Variants in EEF2K observed in about 807,000 individuals in gnomAD.
EEF2K encodes the protein alternative protein EEF2K.
In EEF2K, 70 loss-of-function variants were observed where a neutral mutation model predicts 93.8. The observed-to-expected ratio is 0.75, with a 90% confidence interval of 0.62 to 0.91. EEF2K has a LOEUF of 0.91. Among genes scored for constraint, EEF2K ranks in the 40% least tolerant of loss-of-function variants. EEF2K has a pLI of 0.00. For missense variants in EEF2K, 935 were observed against 972.9 expected, an observed-to-expected ratio of 0.96 and a Z score of 0.52; for synonymous variants, 376 against 380.8, an observed-to-expected ratio of 0.99 and a Z score of 0.15.
chr16:22,247,937 C>T (rs1196266157), intron 3 of EEF2K, among the ~76,000 whole-genome samples: 1 of 152,166 alleles, frequency 6.6e-6, no homozygotes, highest in East Asian at 1.9e-4. Context: ...GCACCACCAC[C>T]ACCTCCCCTC....
intron 1 of EEF2K, among the ~76,000 whole-genome samples, chr16:22,213,167 C>G (rs1257378765): frequency 6.6e-6 from 1 of 152,182 alleles, no homozygotes; most frequent in Non-Finnish European, 1.5e-5. Flanking sequence ...GTAATCCCAG[C>G]TACTCAGGAG....
chr16:22,262,913 G>C (rs754545481), intron 11 of EEF2K, among the ~76,000 whole-genome samples, 197 bp from the exon 12 acceptor site: 8 of 152,164 alleles, frequency 5.3e-5, no homozygotes, highest in Non-Finnish European at 1.0e-4. Context: ...GTGTCCTCAA[G>C]TGATCTGCCT....
intron 16 of EEF2K, among the ~76,000 whole-genome samples, chr16:22,278,067 C>A (rs112754964): frequency 6.6e-6 from 1 of 152,052 alleles, no homozygotes; most frequent in Middle Eastern, 3.4e-3. Flanking sequence ...ATTAGCCAGG[C>A]GTGGTGACAT....
intron 11 of EEF2K, 81 bp downstream of exon 11, chr16:22,260,610 G>A: frequency 6.3e-7 from 1 of 1,577,456 alleles, no homozygotes; most frequent in East Asian, 2.2e-5. Flanking sequence ...TGAATCTTCA[G>A]CTTCGGAGGT....
chr16:22,238,691 T>G (rs935153594), intron 2 of EEF2K, among the ~76,000 whole-genome samples: 118 of 142,718 alleles, frequency 8.3e-4, no homozygotes, highest in African/African-American at 2.9e-3. Context: ...AAAAAAGCAC[T>G]GATCATCCTT....
chr16:22,278,176 C>A (rs2047657304), intron 16 of EEF2K, among the ~76,000 whole-genome samples: 1 of 152,118 alleles, frequency 6.6e-6, no homozygotes, highest in Non-Finnish European at 1.5e-5. Flanking sequence ...CACTGCACTC[C>A]TGCCTGGGCA....
chr16:22,235,249 T>G (rs1177429240), intron 2 of EEF2K, among the ~76,000 whole-genome samples: 1 of 152,066 alleles, frequency 6.6e-6, no homozygotes, highest in Non-Finnish European at 1.5e-5. Context: ...GCTATTAAGA[T>G]CTTAGTGTAT....
chr16:22,227,565 T>G (rs2047076108), intron 2 of EEF2K, among the ~76,000 whole-genome samples: 2 of 152,200 alleles, frequency 1.3e-5, no homozygotes, highest in African/African-American at 4.8e-5. Flanking sequence ...AACCGTTTGG[T>G]AGGTGCCAGC....
At chr16:22,217,781 C>T (rs1216612020) in intron 1 of EEF2K, among the ~76,000 whole-genome samples, 1 of 152,114 alleles carries the variant, frequency 6.6e-6, no homozygotes, top group East Asian at 1.9e-4. Context: ...TTGCATGTGA[C>T]AGAAAACCTA....
chr16:22,226,094 T>C, intron 2 of EEF2K, 119 bp downstream of exon 2: 1 of 1,418,366 alleles, frequency 7.1e-7, no homozygotes, highest in Non-Finnish European at 9.6e-7. Flanking sequence ...TGCTCTAAAC[T>C]CTGAGCTGAG....
intron 2 of EEF2K, among the ~76,000 whole-genome samples, chr16:22,239,855 A>G (rs8053374): frequency 0.35 from 53,937 of 151,962 alleles, 10,616 homozygotes; most frequent in East Asian, 0.86. Flanking sequence ...CTGTAATCCC[A>G]GCACTTTGGG....
chr16:22,226,457 A>G (rs1034857347), intron 2 of EEF2K, among the ~76,000 whole-genome samples: 12 of 148,330 alleles, frequency 8.1e-5, no homozygotes, highest in Admixed American at 6.0e-4. Context: ...GGCAATAGAA[A>G]ATCCCCAAAC....
In EEF2K at chr16:22,260,481, C is replaced by A. The variant is rs1399634471; in HGVS notation, c.1251C>A (p.Asp417Glu). ...GCCCAGATTGGCCAGTGTTCAGTGA[C>A]CTCGATAACATGGCATCCAGAGACC... Reference protein sequence around the residue: ...LDHLHWPVFSDLDNMASRDHD... With the variant: ...LDHLHWPVFSELDNMASRDHD... Residue 417 changes from aspartate (D) to glutamate (E), a missense_variant, in exon 11 of 18, where the codon GAC becomes GAA. Transcript: ENST00000263026. The A allele has an allele frequency of 3.7e-6, 6 of 1,614,156 alleles. No individual in the cohort carries two copies. In the South Asian group the frequency reaches 4.4e-5, roughly 12 times the overall value.
At chr16:22,240,660 AGCCAGTCT>A (rs2047212863) in intron 2 of EEF2K, among the ~76,000 whole-genome samples, 1 of 152,236 alleles carries the variant, frequency 6.6e-6, no homozygotes, top group South Asian at 2.1e-4. Context: ...AGGTTACCCC[AGCCAGTCT>A]GCACATATGA....
chr16:22,255,530 C>T (rs2047390316), intron 6 of EEF2K, among the ~76,000 whole-genome samples: 1 of 152,218 alleles, frequency 6.6e-6, no homozygotes, highest in Non-Finnish European at 1.5e-5. Flanking sequence ...AGTCATGTGG[C>T]CACACTTAGC....
At chr16:22,267,515 A>T (rs1210831198) in intron 15 of EEF2K, among the ~76,000 whole-genome samples, 1 of 151,968 alleles carries the variant, frequency 6.6e-6, no homozygotes, top group Non-Finnish European at 1.5e-5. Context: ...GAATCTCTTG[A>T]ACCTGGGAGA....
At chr16:22,261,414 C>T (rs958555131) in intron 11 of EEF2K, among the ~76,000 whole-genome samples, 4 of 151,808 alleles carry the variant, frequency 2.6e-5, no homozygotes, top group Non-Finnish European at 5.9e-5. Flanking sequence ...AGAGGCTGGG[C>T]GCAGTGGCTC....
intron 3 of EEF2K, among the ~76,000 whole-genome samples, chr16:22,246,820 A>C (rs1567274270): frequency 6.6e-6 from 1 of 151,780 alleles, no homozygotes; most frequent in African/African-American, 2.4e-5. Context: ...CAGGCGGATC[A>C]TGAGATCAGG....
Position 22,257,368 on chromosome 16 carries a change from T to G in EEF2K, c.884T>G (p.Phe295Cys). ...PQIHTETGTD[F>C]GDGNLGVRGM... The stretch of plus-strand genomic sequence containing the variant: ...ATCCACACGGAGACGGGCACTGACT[T>G]TGGAGACGGCAACCTAGGTACGTGG... The change falls in exon 8 of 18, where the codon TTT becomes TGT. Residue 295 changes from phenylalanine (F) to cysteine (C), a missense_variant. Physicochemically the swap from Phe to Cys is radical, Grantham distance 205. Transcript: ENST00000263026. 8 of 1,613,626 alleles carry G rather than the reference T, an allele frequency of 5.0e-6. No individual in the cohort carries two copies. Among genetic ancestry groups the G allele is most frequent in the Non-Finnish European group, 6.8e-6 (8 of 1,179,888 alleles).
Sources: allele counts gnomAD v4.1 joint callset (sites outside exome capture counted in the v4.1 genomes callset), GRCh38; gene constraint gnomAD v4.1.1; transcripts MANE v1.5; gene names NCBI Gene and HGNC (gene_info 2026-07-23, HGNC 2026-07-21).